Variants in NEB observed in about 807,000 individuals in gnomAD.
The protein encoded by NEB is nebulin, also known as nemaline myopathy type 2.
A neutral mutation model predicts 952.2 loss-of-function variants in NEB; 512 were observed. The ratio of observed to expected loss-of-function variants is 0.54; its 90% CI spans 0.50 to 0.58. The LOEUF is 0.58. NEB is among the 20% of genes least tolerant of loss of function. The pLI is 0.00. For synonymous variants in NEB, 2,900 were observed against 3,149.8 expected, an observed-to-expected ratio of 0.92 and a Z score of 2.66; for missense variants, 8,428 against 9,231.1, an observed-to-expected ratio of 0.91 and a Z score of 3.56.
chr2:151,663,147 A>T (rs1558972103), intron 45 of NEB, among the ~76,000 whole-genome samples: 1 of 152,238 alleles, frequency 6.6e-6, no homozygotes, highest in African/African-American at 2.4e-5. Context: ...TAGAAGTGGT[A>T]GAATGAAACC....
chr2:151,674,394 T>C, intron 36 of NEB, 83 bp downstream of exon 36: 2 of 1,034,192 alleles, frequency 1.9e-6, no homozygotes, highest in Middle Eastern at 2.0e-4. Context: ...CATATTTCTT[T>C]CAATAAGGTA....
At chr2:151,712,842 G>A (rs971560021) in intron 10 of NEB, among the ~76,000 whole-genome samples, 5 of 152,056 alleles carry the variant, frequency 3.3e-5, no homozygotes, top group African/African-American at 9.7e-5. Flanking sequence ...GGTTACTCAC[G>A]TCAGGGTCCA....
rs1328661885 is a variant in NEB, at chr2:151,627,843, A to C, written c.9832-9T>G. On this transcript the variant is annotated splice_polypyrimidine_tract_variant and intron_variant, in intron 68 of 181. Transcript: ENST00000397345. Reference sequence around the variant, plus strand: ...CCATCTTTGTATTTGTACTGAAATAAAGGTGGTCATTTCAAAAATAAAAAT... The same window carrying C: ...CCATCTTTGTATTTGTACTGAAATACAGGTGGTCATTTCAAAAATAAAAAT... The C allele has an allele frequency of 1.2e-6, 2 of 1,603,544 alleles. No homozygotes were observed. Among genetic ancestry groups the C allele is most frequent in the Admixed American group, 3.4e-5 (2 of 59,242 alleles).
At chr2:151,498,807 A>AAGTC (rs1391137492) in intron 169 of NEB, among the ~76,000 whole-genome samples, 9 of 152,190 alleles carry the variant, frequency 5.9e-5, no homozygotes, top group Admixed American at 2.0e-4. Context: ...CTTTCAAAAG[A>AAGTC]AGTCAGAGTA....
intron 163 of NEB, 179 bp from the exon 164 acceptor site, chr2:151,506,437 T>A (rs1422210066): frequency 3.5e-6 from 2 of 578,608 alleles, no homozygotes; most frequent in Non-Finnish European, 6.1e-6. Context: ...AGACCAGTTA[T>A]ACAACATGGA....
chr2:151,512,914 T>G, intron 160 of NEB, 77 bp from the exon 161 acceptor site: 1 of 941,460 alleles, frequency 1.1e-6, no homozygotes, highest in Admixed American at 2.1e-5. Flanking sequence ...GATTAAGAGG[T>G]GAGCCATATT....
chr2:151,643,140 T>C lies in NEB; in HGVS notation c.8160+10A>G, dbSNP rs2154114405. On this transcript the variant is annotated intron_variant, in intron 58 of 181. Coordinates refer to ENST00000397345, the MANE Select transcript of NEB (RefSeq NM_001164508.2). ...AATTAATAACCTCCTCAAACAAACA[T>C]AGGACTTACATGATTCATGGTAATA... The C allele has an allele frequency of 1.2e-6, 2 of 1,604,052 alleles. No individual in the cohort carries two copies. Among genetic ancestry groups the C allele is most frequent in the Non-Finnish European group, 1.7e-6 (2 of 1,172,200 alleles).
At chr2:151,504,705 G>A (rs2067408507) in intron 165 of NEB, among the ~76,000 whole-genome samples, 2 of 152,148 alleles carry the variant, frequency 1.3e-5, no homozygotes, top group African/African-American at 4.8e-5. Flanking sequence ...TTTGCTAGTA[G>A]CCAACACCTG....
chr2:151,616,963 G>T (rs543709356), intron 75 of NEB, among the ~76,000 whole-genome samples: 2 of 152,268 alleles, frequency 1.3e-5, no homozygotes, highest in Admixed American at 1.3e-4. Flanking sequence ...CTGGAAAAAT[G>T]TTAACATCAA....
At chr2:151,576,945 G>T (rs562358079) in intron 105 of NEB, among the ~76,000 whole-genome samples, 1 of 152,012 alleles carries the variant, frequency 6.6e-6, no homozygotes, top group South Asian at 2.1e-4. Context: ...CTGTGGCAAG[G>T]GTCTGTGTGG....
In NEB at chr2:151,629,698, C is replaced by T. The variant is rs563595055; in HGVS notation, c.9724-52G>A. 51 of 1,451,328 alleles carry T rather than the reference C, an allele frequency of 3.5e-5. No homozygotes were observed. In the South Asian group the frequency reaches 5.7e-4, roughly 16 times the overall value. 89.9% of individuals were successfully genotyped at this position (1,451,328 alleles called of 1,614,324 possible). A position where few individuals can be genotyped will look rare whatever the true frequency, so the allele number is the denominator to read the frequency against. On this transcript the variant is annotated intron_variant, in intron 67 of 181. Coordinates refer to ENST00000397345, the MANE Select transcript of NEB (RefSeq NM_001164508.2). ...AGCAAAAGGTTTGACATCAACAATT[C>T]AGAGATTATTAAGTGACTTATATCC... is the stretch of plus-strand genomic sequence containing the variant.
At chr2:151,505,920 G>A in intron 164 of NEB, 3 of 567,954 alleles carry the variant, frequency 5.3e-6, no homozygotes, top group East Asian at 3.0e-5. Context: ...TTCTTTGACT[G>A]TACCGGATTC....
At chr2:151,501,620 G>T in intron 167 of NEB, 137 bp from the exon 168 acceptor site, 3 of 478,712 alleles carry the variant, frequency 6.3e-6, no homozygotes, top group Non-Finnish European at 1.1e-5. Context: ...TTTAAAAATA[G>T]AGTTAACTAT....
intron 105 of NEB, among the ~76,000 whole-genome samples, chr2:151,577,554 T>G (rs543830856): frequency 5.9e-5 from 9 of 152,352 alleles, no homozygotes; most frequent in African/African-American, 1.7e-4. Context: ...GTTATCAATG[T>G]GAACTCCCTA....
At chr2:151,494,137 C>T (rs370262770) in intron 174 of NEB, 24 bp downstream of exon 174, 1 of 1,570,356 alleles carries the variant, frequency 6.4e-7, no homozygotes, top group African/African-American at 1.3e-5. Context: ...AAATTAAAAG[C>T]ACTTTTGTTT....
At position 151,627,566 on chromosome 2, in the gene NEB, T is replaced by C. The variant is rs781444361; in HGVS notation, c.10100A>G (p.Asn3367Ser). The change falls in exon 69 of 182, where the codon AAT (asparagine) becomes AGT (serine). Residue 3367 changes from asparagine (N) to serine (S), a missense_variant. This residue lies in a region of NEB where 1,772 missense variants were observed against 1,960.3 expected (regional missense o/e 0.90). Coordinates refer to ENST00000397345, the MANE Select transcript of NEB (RefSeq NM_001164508.2). ...LHEWTCLPDQ[N>S]DVIHARQAYD... ...GGCCTGCCGAGCATGGATGACATCA[T>C]TCTGGTCGGGCAGGCACGTCCACTC... The C allele has an allele frequency of 5.6e-6, 9 of 1,614,002 alleles. No individual in the cohort carries two copies. The highest frequency in any genetic ancestry group is 1.3e-5 in the African/African-American group (1 of 75,052).
rs1315277104 is a variant in NEB at position 151,678,130 on chromosome 2, G to C, written c.3313C>G (p.Leu1105Val). The C allele has an allele frequency of 6.2e-7, 1 of 1,613,428 alleles. No individual in the cohort carries two copies. Among genetic ancestry groups the C allele is most frequent in the South Asian group, 1.1e-5 (1 of 91,000 alleles). Residue 1105 changes from leucine to valine, a missense_variant, in exon 33 of 182, where the codon CTT (leucine) becomes GTT (valine). Coordinates refer to ENST00000397345, the MANE Select transcript of NEB (RefSeq NM_001164508.2). ...TGAACCAGTTTAGGGTCATCTTGAA[G>C]ACTTTGGAAGCCAACCATTTTCCCT... is the stretch of plus-strand genomic sequence containing the variant. Reference protein sequence around the residue: ...AKGKMVGFQSLQDDPKLVHYM... With the variant: ...AKGKMVGFQSVQDDPKLVHYM...
Position 151,671,052 on chromosome 2 carries a change from C to T in NEB, c.4477G>A (p.Ala1493Thr). Residue 1493 changes from alanine (A) to threonine (T), a missense_variant, in exon 38 of 182, where the codon GCT becomes ACT. By Grantham distance (58) the Ala-to-Thr change is moderately conservative (BLOSUM62 0). Transcript: ENST00000397345. ...CTTAGCTGCTTTGTGTTATGCTGAGCCAACACCATGCCCATGGAATCAGGC... is the reference window on the plus strand; with the variant it reads ...CTTAGCTGCTTTGTGTTATGCTGAGTCAACACCATGCCCATGGAATCAGGC... ...SVPDSMGMVL[A>T]QHNTKQLSDL... 6.2e-7 allele frequency: 1 copy of T among 1,613,920 alleles called. No individual in the cohort carries two copies. The highest frequency in any genetic ancestry group is 1.3e-5 in the African/African-American group (1 of 75,030).
chr2:151,519,566 G>T, intron 154 of NEB, 92 bp downstream of exon 154: 1 of 897,748 alleles, frequency 1.1e-6, no homozygotes, highest in Non-Finnish European at 1.8e-6. Flanking sequence ...ATAATATTGT[G>T]AGTGTTATAA....
Sources: allele counts gnomAD v4.1 joint callset (sites outside exome capture counted in the v4.1 genomes callset), GRCh38; gene constraint gnomAD v4.1.1; regional missense constraint gnomAD v4.1.1; transcripts MANE v1.5; gene names NCBI Gene and HGNC (gene_info 2026-07-23, HGNC 2026-07-21).